LTBP1: variants seen among roughly 807,000 people sequenced by gnomAD.
LTBP1 encodes latent transforming growth factor beta binding protein 1, also known as latent-transforming growth factor beta-binding protein 1.
LTBP1 carries 129 observed loss-of-function variants against 207.6 expected under a neutral mutation model. The observed-to-expected ratio is 0.62, with a 90% confidence interval of 0.54 to 0.72. The LOEUF (loss-of-function observed/expected upper bound fraction) is 0.72, where lower values mean the gene tolerates loss of function less well. LTBP1 is among the 30% of genes least tolerant of loss of function. LTBP1 has a pLI of 0.00. For synonymous variants in LTBP1, 963 were observed against 833.7 expected, an observed-to-expected ratio of 1.16 and a Z score of -2.67; for missense variants, 2,281 against 2,217.2, an observed-to-expected ratio of 1.03 and a Z score of -0.58.
chr2:33,288,482 T>A (rs972645776), intron 19 of LTBP1, among the ~76,000 whole-genome samples: 1 of 151,990 alleles, frequency 6.6e-6, no homozygotes, highest in Admixed American at 6.6e-5. Flanking sequence ...CAGCTGGGAG[T>A]CATCTCTGTG....
chr2:32,948,940 C>T lies in LTBP1; in HGVS notation c.560C>T (p.Thr187Ile). ...WSKAPGSQRC[T>I]KPSCVPPCQN... ...AAGGCCCCTGGCTCCCAGAGGTGCA[C>T]CAAACGTAAGTTGCCATGTTCACAG... Residue 187 changes from threonine to isoleucine, a missense_variant, in exon 2 of 34, where the codon ACC becomes ATC. Thr to Ile is a moderately conservative substitution (Grantham distance 89). Around this residue, in one of 3 missense-constraint regions of LTBP1, gnomAD observed 555 missense variants for 491.0 expected, o/e 1.13. Transcript: ENST00000404816. The T allele has an allele frequency of 6.2e-7, 1 of 1,614,010 alleles. No homozygotes were observed. The highest frequency in any genetic ancestry group is 1.3e-5 in the African/African-American group (1 of 74,964).
chr2:33,357,982 A>G lies in LTBP1; in HGVS notation c.4001-2615A>G, dbSNP rs577115384. Among the ~76,000 whole-genome samples, 13 of 152,330 alleles carry G rather than the reference A, an allele frequency of 8.5e-5. No individual in the cohort carries two copies. In the South Asian group the frequency reaches 2.7e-3, roughly 32 times the overall value. ...TTTCTTTAAGAAATTACATTATCAC[A>G]TATTTACTGACCAGAGTTTTATCCC... On this transcript the variant is annotated intron_variant, in intron 26 of 33. Coordinates refer to ENST00000404816, the MANE Select transcript of LTBP1 (RefSeq NM_206943.4).
Position 33,186,937 on chromosome 2 carries a change from A to G in LTBP1, c.1283A>G (p.Lys428Arg). Residue 428 changes from lysine to arginine, a missense_variant, in exon 6 of 34, where the codon AAA becomes AGA. Physicochemically the swap from Lys to Arg is conservative, Grantham distance 26. This residue lies in a region of LTBP1 where 1,671 missense variants were observed against 1,634.8 expected (regional missense o/e 1.02). Transcript: ENST00000404816. ...KCQCPPNFTG[K>R]LCQIPVHGAS... ...CAGTGCCCTCCAAATTTCACAGGAA[A>G]ACTTTGTCAGATCCCAGTCCATGGT... 6.2e-7 allele frequency: 1 copy of G among 1,614,162 alleles called. No individual in the cohort carries two copies. Among genetic ancestry groups the G allele is most frequent in the Non-Finnish European group, 8.5e-7 (1 of 1,180,020 alleles).
intron 31 of LTBP1, among the ~76,000 whole-genome samples, chr2:33,375,167 GGCTCTTACAT>G (rs2095121200): frequency 6.6e-6 from 1 of 152,152 alleles, no homozygotes; most frequent in East Asian, 1.9e-4. Flanking sequence ...ATCCATGCAT[GGCTCTTACAT>G]GCTCAAGAGG....
intron 20 of LTBP1, among the ~76,000 whole-genome samples, chr2:33,294,575 ATTTTTT>A (rs1181582118): frequency 8.0e-6 from 1 of 124,878 alleles, no homozygotes; most frequent in African/African-American, 3.1e-5. Context: ...ATTGGGTAAA[ATTTTTT>A]TTTTTTTTTT....
At chr2:33,302,232 G>A (rs41464348) in intron 22 of LTBP1, among the ~76,000 whole-genome samples, 86,020 of 152,002 alleles carry the variant, frequency 0.57, 25,297 homozygotes, top group African/African-American at 0.73. Flanking sequence ...TTTTACCACC[G>A]GTCTGTCACT....
At chr2:32,976,580 A>C (rs920307922) in intron 2 of LTBP1, among the ~76,000 whole-genome samples, 9 of 152,120 alleles carry the variant, frequency 5.9e-5, no homozygotes, top group Non-Finnish European at 1.3e-4. Flanking sequence ...GGAGTGCTCT[A>C]TGTTGGGGGT....
chr2:33,115,236 G>A (rs575020648), intron 4 of LTBP1, among the ~76,000 whole-genome samples: 1 of 152,210 alleles, frequency 6.6e-6, no homozygotes, highest in South Asian at 2.1e-4. Flanking sequence ...AAAGATTCCA[G>A]ACACAAAAGA....
intron 2 of LTBP1, among the ~76,000 whole-genome samples, chr2:33,005,628 T>A (rs1418305499): frequency 7.3e-5 from 11 of 150,556 alleles, no homozygotes. Flanking sequence ...ACAGTGTGTT[T>A]CTGGCTGGAG....
intron 5 of LTBP1, among the ~76,000 whole-genome samples, chr2:33,149,197 A>G (rs1385329956): frequency 2.1e-5 from 3 of 142,726 alleles, no homozygotes; most frequent in African/African-American, 7.7e-5. Context: ...CCTGGGTGAC[A>G]GAGCGAGACT....
At chr2:33,176,460 C>T (rs998694087) in intron 5 of LTBP1, among the ~76,000 whole-genome samples, 18 of 152,246 alleles carry the variant, frequency 1.2e-4, no homozygotes, top group African/African-American at 3.4e-4. Flanking sequence ...CTCCTGACTT[C>T]GTCATCTGCC....
chr2:33,062,522 T>C lies in LTBP1; in HGVS notation c.863+41316T>C, dbSNP rs1003249187. Among the ~76,000 whole-genome samples, 6 of 152,222 alleles carry C rather than the reference T, an allele frequency of 3.9e-5. No homozygotes were observed. In the South Asian group the frequency reaches 8.3e-4, roughly 21 times the overall value. On this transcript the variant is annotated intron_variant, in intron 3 of 33. Coordinates refer to ENST00000404816, the MANE Select transcript of LTBP1 (RefSeq NM_206943.4). ...TTCATTTTTTTTCTTTATACTGATATCTAGTTGTTCAGGATCATTTGTTGA... is the reference window on the plus strand; with the variant it reads ...TTCATTTTTTTTCTTTATACTGATACCTAGTTGTTCAGGATCATTTGTTGA...
In LTBP1 at chr2:33,308,935, T is replaced by G. The variant is rs6707278; in HGVS notation, c.3482-499T>G. Among the ~76,000 whole-genome samples the G allele has an allele frequency of 2.4e-3, 368 of 152,324 alleles. 1 individual carries two copies. The highest frequency in any genetic ancestry group is 8.0e-3 in the African/African-American group (331 of 41,576). On this transcript the variant is annotated intron_variant, in intron 22 of 33. Transcript: ENST00000404816. The stretch of plus-strand genomic sequence containing the variant: ...CAATATAATCAAGTAAATTATTATT[T>G]GCTACAGAATTTTGACTTTTCCTCT...
At chr2:33,325,385 A>G (rs1243794056) in intron 24 of LTBP1, among the ~76,000 whole-genome samples, 4 of 152,210 alleles carry the variant, frequency 2.6e-5, no homozygotes, top group Non-Finnish European at 5.9e-5. Context: ...CTAAGTGTCA[A>G]AAAGATGAAT....
chr2:32,957,471 G>T (rs1678269848), intron 2 of LTBP1, among the ~76,000 whole-genome samples: 1 of 152,202 alleles, frequency 6.6e-6, no homozygotes, highest in South Asian at 2.1e-4. Context: ...GGAGAGAGAT[G>T]AGGGAACGGC....
intron 3 of LTBP1, among the ~76,000 whole-genome samples, chr2:33,085,697 A>T (rs1301487788): frequency 6.6e-6 from 1 of 152,230 alleles, no homozygotes; most frequent in East Asian, 1.9e-4. Flanking sequence ...ATAAGATCAT[A>T]TGCTTACATA....
chr2:33,243,929 C>T (rs913166146), intron 10 of LTBP1, 145 bp downstream of exon 10: 15 of 841,168 alleles, frequency 1.8e-5, no homozygotes, highest in Admixed American at 8.6e-5. Context: ...AAGGGGCCTG[C>T]CTGATGTAGT....
intron 15 of LTBP1, among the ~76,000 whole-genome samples, chr2:33,264,941 G>A (rs575198598): frequency 6.6e-6 from 1 of 150,992 alleles, no homozygotes; most frequent in Non-Finnish European, 1.5e-5. Flanking sequence ...AAGCAGGGGA[G>A]TTGATAGCAT....
intron 24 of LTBP1, among the ~76,000 whole-genome samples, chr2:33,324,400 A>C: frequency 6.6e-6 from 1 of 152,036 alleles, no homozygotes; most frequent in East Asian, 1.9e-4. Flanking sequence ...GTATGTATGT[A>C]TGTATATATA....
Sources: gnomAD v4.1 joint callset for allele counts (sites outside exome capture counted in the v4.1 genomes callset) on GRCh38, gnomAD v4.1.1 for gene constraint, gnomAD v4.1.1 regional missense constraint, MANE v1.5 for transcripts, NCBI Gene and HGNC (gene_info 2026-07-23, HGNC 2026-07-21) for gene names.